SKOR2: variants seen among roughly 807,000 people sequenced by gnomAD.
SKOR2 encodes SKI family transcriptional corepressor 2, also known as LBX1 corepressor 1-like protein.
In SKOR2, 47 loss-of-function variants were observed where a neutral mutation model predicts 69.1. That is an observed-to-expected ratio of 0.68 (90% CI 0.54 to 0.87). The LOEUF is 0.87. Among genes scored for constraint, SKOR2 ranks in the 40% least tolerant of loss-of-function variants. The pLI, the probability that SKOR2 is intolerant of heterozygous loss-of-function variation, is 0.00. For synonymous variants in SKOR2, 717 were observed against 672.6 expected (o/e 1.07, Z -1.02); for missense variants, 1,404 against 1,472.2 (o/e 0.95, Z 0.76).
intron 7 of SKOR2, among the ~76,000 whole-genome samples, chr18:47,212,623 A>T (rs1299110243): frequency 6.6e-6 from 1 of 152,180 alleles, no homozygotes. Flanking sequence ...TATAAATCAC[A>T]AATAAGACTA....
chr18:47,222,712 A>G (rs2064165615), intron 6 of SKOR2, among the ~76,000 whole-genome samples: 1 of 152,214 alleles, frequency 6.6e-6, no homozygotes, highest in Non-Finnish European at 1.5e-5. Flanking sequence ...CCAGGGTGGT[A>G]AACTAAGATG....
chr18:47,228,931 C>T (rs971025765), intron 6 of SKOR2, among the ~76,000 whole-genome samples: 3 of 152,214 alleles, frequency 2.0e-5, no homozygotes, highest in Admixed American at 2.0e-4. Flanking sequence ...AACTGAAGTA[C>T]CATGAGCTCC....
At chr18:47,244,411 GT>G (rs757331499) in intron 4 of SKOR2, among the ~76,000 whole-genome samples, 48 of 152,262 alleles carry the variant, frequency 3.2e-4, no homozygotes, top group South Asian at 6.2e-4. Flanking sequence ...TTCTAATCAC[GT>G]CTTTCCCAAA....
At position 47,247,039 on chromosome 18, in the gene SKOR2, G is replaced by A; in HGVS notation, c.2145C>T (p.Gly715=). 1 of 1,486,320 alleles carries A rather than the reference G, an allele frequency of 6.7e-7. No individual in the cohort carries two copies. The highest frequency in any genetic ancestry group is 8.9e-7 in the Non-Finnish European group (1 of 1,124,072). 92.1% of individuals were successfully genotyped at this position (1,486,320 alleles called of 1,614,324 possible). The change falls in exon 2 of 9, where the codon GGC becomes GGT. Residue 715 remains glycine (G), a synonymous_variant. Coordinates refer to ENST00000425639, the MANE Select transcript of SKOR2 (RefSeq NM_001278063.4). This position sits in a 1 kb window ranked among gnomAD's most constrained non-coding sequence, Gnocchi z 6.6. ...AGCTGGTTCCCCCGGGAGACAGAAG[G>A]CCTCGGTGGTGCGGGTGCTGGGCCA... ...PPLAQHPHHR[G]LLSPGGTSCC...
rs1047757440 is a variant in SKOR2, at chr18:47,249,190, C to T, written c.-7G>A. On this transcript the variant is annotated 5_prime_UTR_variant, in exon 2 of 9. Transcript: ENST00000425639. ...GCAGCGGACTGGAAGCCATCTCCGCCGCAGAACCCCGGGCCGAGCCCTACA... is the reference window on the plus strand; with the variant it reads ...GCAGCGGACTGGAAGCCATCTCCGCTGCAGAACCCCGGGCCGAGCCCTACA... 20 of 1,532,752 alleles carry T rather than the reference C, an allele frequency of 1.3e-5. No individual in the cohort carries two copies. Among genetic ancestry groups the T allele is most frequent in the South Asian group, 3.6e-5 (3 of 83,512 alleles). 94.9% of individuals were successfully genotyped at this position (1,532,752 alleles called of 1,614,324 possible). A position where few individuals can be genotyped will look rare whatever the true frequency, so the allele number is the denominator to read the frequency against.
chr18:47,244,796 G>T, intron 4 of SKOR2, 112 bp downstream of exon 4: 1 of 940,372 alleles, frequency 1.1e-6, no homozygotes, highest in South Asian at 1.9e-5. Context: ...TATCTACTAG[G>T]AATTGTTTTT....
intron 4 of SKOR2, among the ~76,000 whole-genome samples, chr18:47,240,572 T>C (rs938855875): frequency 6.6e-6 from 1 of 152,170 alleles, no homozygotes; most frequent in Non-Finnish European, 1.5e-5. Flanking sequence ...CTGCTGTATG[T>C]AAGGTTAATG....
intron 7 of SKOR2, among the ~76,000 whole-genome samples, chr18:47,215,784 T>TC (rs2144480640): frequency 6.6e-6 from 1 of 152,278 alleles, no homozygotes; most frequent in Admixed American, 6.5e-5. Context: ...CGCCTTGTGG[T>TC]AGTGATCTGA....
At chr18:47,227,546 G>C (rs1291626768) in intron 6 of SKOR2, among the ~76,000 whole-genome samples, 5 of 151,950 alleles carry the variant, frequency 3.3e-5, no homozygotes, top group Non-Finnish European at 2.9e-5. Flanking sequence ...GGCCAGGCTG[G>C]TCTCAAACTC....
Position 47,248,518 on chromosome 18 carries a change from G to T in SKOR2, c.666C>A (p.Asp222Glu), listed in dbSNP as rs2064295473. The T allele has an allele frequency of 2.0e-6, 3 of 1,537,090 alleles. No homozygotes were observed. The East Asian group carries it at 7.3e-5, about 38-fold the overall frequency. Residue 222 changes from aspartate to glutamate, a missense_variant, in exon 2 of 9, where the codon GAC becomes GAA. Around this residue, in one of 3 missense-constraint regions of SKOR2, gnomAD observed 1,266 missense variants for 1,309.9 expected, o/e 0.97. Transcript: ENST00000425639. This position sits in a 1 kb window ranked among gnomAD's most constrained non-coding sequence, Gnocchi z 6.4. ...HLKLTDKSPQDELVFAWEDVK... is the reference protein window; with the variant it reads ...HLKLTDKSPQEELVFAWEDVK... ...CGTCCTCCCAGGCGAAGACCAGCTC[G>T]TCCTGGGGACTCTTGTCGGTGAGCT...
intron 4 of SKOR2, among the ~76,000 whole-genome samples, chr18:47,240,143 G>T (rs987249221): frequency 6.6e-6 from 1 of 152,068 alleles, no homozygotes; most frequent in African/African-American, 2.4e-5. Context: ...AAATCAAATT[G>T]ATTTTAAAAC....
At position 47,206,687 on chromosome 18, in the gene SKOR2, C is replaced by T. The variant is rs993128848; in HGVS notation, c.*209G>A. ...GCATTGACTGCTCTGGTTGGCTCCC[C>T]CCTCCCCCCACTAATGAATGGCTGC... On this transcript the variant is annotated 3_prime_UTR_variant, in exon 9 of 9. Coordinates refer to ENST00000425639, the MANE Select transcript of SKOR2 (RefSeq NM_001278063.4). 6.6e-6 allele frequency: 1 copy of T among 152,436 alleles called. No homozygotes were observed. The highest frequency in any genetic ancestry group is 1.5e-5 in the Non-Finnish European group (1 of 68,300). The allele number at this position is 152,436 out of a possible 1,614,324, so 9.4% of individuals were successfully genotyped here.
At chr18:47,214,324 A>T (rs556449882) in intron 7 of SKOR2, among the ~76,000 whole-genome samples, 1 of 152,336 alleles carries the variant, frequency 6.6e-6, no homozygotes, top group East Asian at 1.9e-4. Context: ...AAGCAAAAAA[A>T]GGACTCAAGA....
chr18:47,247,897 G>C lies in SKOR2; in HGVS notation c.1287C>G (p.Ala429=), dbSNP rs2064288859. Residue 429 remains alanine (A), a synonymous_variant, in exon 2 of 9, where the codon GCC becomes GCG. Coordinates refer to ENST00000425639, the MANE Select transcript of SKOR2 (RefSeq NM_001278063.4). The surrounding 1 kb of genome is among the most constrained non-coding windows in gnomAD (Gnocchi z 6.6). ...CCGCGCCCCCCAGGGCCTCAGCGGC[G>C]GCACCCGCATCCTCTTTCTTATGGC... is the stretch of plus-strand genomic sequence containing the variant. The part of the protein sequence containing the change: ...SLCHKKEDAG[A]AAEALGGAGA... 5.9e-6 allele frequency: 8 copies of C among 1,361,990 alleles called. No homozygotes were observed. In the South Asian group the frequency reaches 1.4e-4, roughly 25 times the overall value. The allele number at this position is 1,361,990 out of a possible 1,614,324, so 84.4% of individuals were successfully genotyped here. A position where few individuals can be genotyped will look rare whatever the true frequency, so the allele number is the denominator to read the frequency against.
chr18:47,239,992 A>G (rs1436286842), intron 4 of SKOR2, among the ~76,000 whole-genome samples: 2 of 151,666 alleles, frequency 1.3e-5, no homozygotes, highest in African/African-American at 2.4e-5. Context: ...TAAAAAAATC[A>G]TAAGCATGTT....
intron 3 of SKOR2, 72 bp from the exon 4 acceptor site, chr18:47,245,054 T>A (rs2064265442): frequency 3.6e-6 from 5 of 1,387,946 alleles, no homozygotes; most frequent in Non-Finnish European, 4.8e-6. Flanking sequence ...TCCAATTTTT[T>A]TTTTTTTGCA....
intron 6 of SKOR2, among the ~76,000 whole-genome samples, chr18:47,225,360 A>T (rs2064175013): frequency 6.6e-6 from 1 of 152,208 alleles, no homozygotes; most frequent in Non-Finnish European, 1.5e-5. Context: ...GATTCAACTC[A>T]TGAGCCCTGG....
Position 47,210,035 on chromosome 18 carries a change from T to A in SKOR2, c.*3+2051A>T, listed in dbSNP as rs190398393. Among the ~76,000 whole-genome samples, 5 of 152,248 alleles carry A rather than the reference T, an allele frequency of 3.3e-5. 1 individual carries two copies. The highest frequency in any genetic ancestry group is 1.2e-4 in the African/African-American group (5 of 41,540). Reference sequence around the variant, plus strand: ...AAGGCTGTATTGAGCTGTGATCGCATCACTGCAACTCCAGTCTGGGTAGAA... The same window carrying A: ...AAGGCTGTATTGAGCTGTGATCGCAACACTGCAACTCCAGTCTGGGTAGAA... On this transcript the variant is annotated intron_variant, in intron 8 of 8. Coordinates refer to ENST00000425639, the MANE Select transcript of SKOR2 (RefSeq NM_001278063.4).
chr18:47,235,227 G>T (rs1202819460), intron 4 of SKOR2, among the ~76,000 whole-genome samples: 1 of 152,118 alleles, frequency 6.6e-6, no homozygotes, highest in Non-Finnish European at 1.5e-5. Flanking sequence ...TGGGAGTGGT[G>T]GTGCACTCTT....
Sources: allele counts gnomAD v4.1 joint callset (sites outside exome capture counted in the v4.1 genomes callset), GRCh38; gene constraint gnomAD v4.1.1; regional missense constraint gnomAD v4.1.1; non-coding constraint Gnocchi (gnomAD v3.1); transcripts MANE v1.5; gene names NCBI Gene and HGNC (gene_info 2026-07-23, HGNC 2026-07-21).